CDCP1: variants seen among roughly 807,000 people sequenced by gnomAD.
CDCP1 encodes CUB domain-containing protein 1.
Under a neutral mutation model 60.2 loss-of-function variants are expected in CDCP1, and 29 were observed. The observed-to-expected ratio is 0.48, with a 90% CI of 0.36 to 0.66. CDCP1 has a LOEUF of 0.66. CDCP1 is among the 30% of genes least tolerant of loss of function. The pLI, the probability that CDCP1 is intolerant of heterozygous loss-of-function variation, is 0.00. For synonymous variants in CDCP1, 387 were observed against 431.1 expected (o/e 0.90, Z 1.27); for missense variants, 876 against 1,074.3 (o/e 0.82, Z 2.58).
intron 1 of CDCP1, among the ~76,000 whole-genome samples, chr3:45,142,788 ACTCTTCATCCCAG>A (rs1449204878): frequency 6.6e-6 from 1 of 151,890 alleles, no homozygotes; most frequent in Non-Finnish European, 1.5e-5. Context: ...GAACCTCTCT[ACTCTTCATCCCAG>A]CAACTCTGCT....
At chr3:45,092,635 G>T (rs1576078391) in intron 6 of CDCP1, among the ~76,000 whole-genome samples, 1 of 152,160 alleles carries the variant, frequency 6.6e-6, no homozygotes, top group East Asian at 1.9e-4. Flanking sequence ...AAAGGTCTTG[G>T]TCAATTTTAA....
intron 2 of CDCP1, among the ~76,000 whole-genome samples, chr3:45,115,472 A>G (rs1698772614): frequency 6.6e-6 from 1 of 152,198 alleles, no homozygotes; most frequent in African/African-American, 2.4e-5. Context: ...TTGTCCTACT[A>G]TAAGCTGCAT....
Position 45,085,973 on chromosome 3 carries a change from G to T in CDCP1, c.2176C>A (p.Arg726=), listed in dbSNP as rs1483766663. 3 of 1,614,110 alleles carry T rather than the reference G, an allele frequency of 1.9e-6. No homozygotes were observed. Among genetic ancestry groups the T allele is most frequent in the South Asian group, 2.2e-5 (2 of 91,070 alleles). Residue 726 remains arginine, a synonymous_variant, in exon 9 of 9, where the codon CGA becomes AGA. Coordinates refer to ENST00000296129, the MANE Select transcript of CDCP1 (RefSeq NM_022842.5). The surrounding 1 kb of genome is among the most constrained non-coding windows in gnomAD (Gnocchi z 4.2). ...PRQPKKFQKG[R]KDNDSHVYAV... is the part of the protein sequence containing the mutation. ...TACACATGGGAGTCATTGTCCTTTCGCCCTTTCTGAAACTTTTTTGGCTGC... is the reference window on the plus strand; with the variant it reads ...TACACATGGGAGTCATTGTCCTTTCTCCCTTTCTGAAACTTTTTTGGCTGC...
In CDCP1 at chr3:45,083,154, G is replaced by T; in HGVS notation, c.*2484C>A. On this transcript the variant is annotated 3_prime_UTR_variant, in exon 9 of 9. Transcript: ENST00000296129. ...GGGGAATGTCGAGAATGGAGGGCTA[G>T]GGCTCCACACAGTGAATTCAAATAA... The T allele has an allele frequency of 6.6e-6, 1 of 152,312 alleles. No individual in the cohort carries two copies. The highest frequency in any genetic ancestry group is 1.5e-5 in the Non-Finnish European group (1 of 68,056). 9.4% of individuals were successfully genotyped at this position (152,312 alleles called of 1,614,324 possible). A position where few individuals can be genotyped will look rare whatever the true frequency, so the allele number is the denominator to read the frequency against.
chr3:45,115,791 C>T (rs950994034), intron 2 of CDCP1, among the ~76,000 whole-genome samples: 6 of 152,086 alleles, frequency 3.9e-5, no homozygotes, highest in African/African-American at 1.4e-4. Context: ...GCAACCTCTG[C>T]CTCCTGGGTT....
At chr3:45,105,101 C>A (rs1305558384) in intron 4 of CDCP1, among the ~76,000 whole-genome samples, 6 of 152,094 alleles carry the variant, frequency 3.9e-5, no homozygotes, top group African/African-American at 1.4e-4. Flanking sequence ...CCACCTGCCA[C>A]CAAAAGAAAA....
chr3:45,144,730 G>A (rs570493403), intron 1 of CDCP1, among the ~76,000 whole-genome samples: 3 of 152,206 alleles, frequency 2.0e-5, no homozygotes, highest in South Asian at 4.1e-4. Flanking sequence ...ACTGTTCCAA[G>A]ACTGGTAGGC....
At chr3:45,118,755 A>G in intron 1 of CDCP1, 134 bp from the exon 2 acceptor site, 1 of 666,614 alleles carries the variant, frequency 1.5e-6, no homozygotes. Flanking sequence ...TCTGAGAAGA[A>G]GGGTGGTGCA....
chr3:45,118,280 A>G (rs1576104636), intron 2 of CDCP1, 132 bp downstream of exon 2: 2 of 701,752 alleles, frequency 2.9e-6, no homozygotes, highest in Non-Finnish European at 4.8e-6. Flanking sequence ...GAGCTAAATT[A>G]AAAAACTGTA....
In CDCP1 at chr3:45,091,036, A is replaced by G. The variant is rs1362616222; in HGVS notation, c.1993+137T>C. On this transcript the variant is annotated intron_variant, in intron 7 of 8. Transcript: ENST00000296129. This position sits in a 1 kb window ranked among gnomAD's most constrained non-coding sequence, Gnocchi z 4.8. ...CTGGGATGGTTTGTTACTCAGCACT[A>G]TTGATGCAATAGCTGACTGATACAT... 5.3e-6 allele frequency: 5 copies of G among 934,994 alleles called. No homozygotes were observed. The African/African-American group carries it at 8.3e-5, about 15-fold the overall frequency. 57.9% of individuals were successfully genotyped at this position (934,994 alleles called of 1,614,324 possible). A position where few individuals can be genotyped will look rare whatever the true frequency, so the allele number is the denominator to read the frequency against.
Position 45,084,552 on chromosome 3 carries a change from A to G in CDCP1, c.*1086T>C, listed in dbSNP as rs1438883698. 1 of 152,218 alleles carries G rather than the reference A, an allele frequency of 6.6e-6. No individual in the cohort carries two copies. The highest frequency in any genetic ancestry group is 2.4e-5 in the African/African-American group (1 of 41,436). The allele number at this position is 152,218 out of a possible 1,614,324, so 9.4% of individuals were successfully genotyped here. The stretch of plus-strand genomic sequence containing the variant: ...GCTTGACCAGCCACTGGAGCCTGGG[A>G]ATGCAGCCAGCCTCTAGAAGCTTGA... On this transcript the variant is annotated 3_prime_UTR_variant, in exon 9 of 9. Coordinates refer to ENST00000296129, the MANE Select transcript of CDCP1 (RefSeq NM_022842.5).
At chr3:45,134,148 C>CT (rs533789339) in intron 1 of CDCP1, among the ~76,000 whole-genome samples, 4,821 of 145,146 alleles carry the variant, frequency 0.033, 163 homozygotes, top group African/African-American at 0.081. Flanking sequence ...CTACTTCTTT[C>CT]TTTTTTTTTT....
intron 6 of CDCP1, among the ~76,000 whole-genome samples, chr3:45,092,336 AT>A (rs1230081986): frequency 6.6e-6 from 1 of 152,172 alleles, no homozygotes; most frequent in Non-Finnish European, 1.5e-5. Context: ...GTATAGCCTG[AT>A]TTCTGTTTCA....
intron 1 of CDCP1, among the ~76,000 whole-genome samples, chr3:45,144,504 A>G (rs1328017407): frequency 1.3e-5 from 2 of 152,194 alleles, no homozygotes; most frequent in Admixed American, 1.3e-4. Context: ...GAACCATGAG[A>G]CAGGGCTCAG....
chr3:45,094,098 T>C (rs1300091625), intron 5 of CDCP1, among the ~76,000 whole-genome samples: 1 of 152,066 alleles, frequency 6.6e-6, no homozygotes, highest in Admixed American at 6.5e-5. Context: ...CACTTCCTAA[T>C]AGGGTGTTCT....
chr3:45,114,824 G>A (rs1698757911), intron 2 of CDCP1, among the ~76,000 whole-genome samples: 1 of 152,208 alleles, frequency 6.6e-6, no homozygotes, highest in Non-Finnish European at 1.5e-5. Context: ...TGAAGGGCAG[G>A]TGGACCACTG....
rs1431966316 is a variant in CDCP1 at position 45,108,744 on chromosome 3, CATATATATGCATGTAT to C, written c.1024+1713_1024+1728del. Among the ~76,000 whole-genome samples, 446 of 107,258 alleles carry C rather than the reference CATATATATGCATGTAT, an allele frequency of 4.2e-3. 5 individuals are homozygous for C. The highest frequency in any genetic ancestry group is 0.019 in the African/African-American group (394 of 21,068). The allele number at this position is 107,258 out of a possible 152,430, so 70.4% of individuals were successfully genotyped here. ...GTATACATATATATATGCATGTATA[CATATATATGCATGTAT>C]ATATATATATGCATGTATACATATA... On this transcript the variant is annotated intron_variant, in intron 4 of 8. Transcript: ENST00000296129.
intron 1 of CDCP1, chr3:45,139,459 G>C (rs75983978): frequency 6.6e-6 from 1 of 152,306 alleles, no homozygotes; most frequent in South Asian, 2.1e-4. Context: ...TCTGAGTCCA[G>C]TGAGGTCTTT....
At chr3:45,099,406 T>G (rs1698453508) in intron 4 of CDCP1, among the ~76,000 whole-genome samples, 1 of 152,186 alleles carries the variant, frequency 6.6e-6, no homozygotes, top group Admixed American at 6.5e-5. Flanking sequence ...AAAACTTTTT[T>G]ACCTCTTCTC....
Sources: gnomAD v4.1 joint callset for allele counts (sites outside exome capture counted in the v4.1 genomes callset) on GRCh38, gnomAD v4.1.1 for gene constraint, Gnocchi (gnomAD v3.1) non-coding constraint, MANE v1.5 for transcripts, NCBI Gene and HGNC (gene_info 2026-07-23, HGNC 2026-07-21) for gene names.